PARPBP: variants seen among roughly 807,000 people sequenced by gnomAD.
The protein encoded by PARPBP is PCNA-interacting partner.
A neutral mutation model predicts 50.0 loss-of-function variants in PARPBP; 52 were observed. The observed-to-expected ratio is 1.04, with a 90% CI of 0.83 to 1.31. The LOEUF (loss-of-function observed/expected upper bound fraction) is 1.31. Ranked by LOEUF, PARPBP falls within the 50% of genes most tolerant of loss-of-function variation. The probability of loss-of-function intolerance (pLI) is 0.00; values close to 1 mark genes in which losing one functional copy is unlikely to be tolerated. For synonymous variants in PARPBP, 244 were observed against 232.1 expected (o/e 1.05, Z -0.47); for missense variants, 697 against 672.0 (o/e 1.04, Z -0.41).
At position 102,165,737 on chromosome 12, in the gene PARPBP, G is replaced by C; in HGVS notation, c.675G>C (p.Thr225=). 1 of 1,603,198 alleles carries C rather than the reference G, an allele frequency of 6.2e-7. No individual in the cohort carries two copies. The highest frequency in any genetic ancestry group is 8.5e-7 in the Non-Finnish European group (1 of 1,175,772). ...TTTGTTTTAATTCATAGGTGGCCAC[G>C]TCTTTTATTAGAACAATAGAGCTTG... The part of the protein sequence containing the change: ...EKQMSIFLVA[T]SFIRTIELGG... Residue 225 remains threonine, a synonymous_variant, in exon 6 of 11, where the codon ACG becomes ACC. Transcript: ENST00000327680.
intron 2 of PARPBP, among the ~76,000 whole-genome samples, chr12:102,142,384 G>A (rs981597695): frequency 3.9e-5 from 6 of 152,148 alleles, no homozygotes; most frequent in South Asian, 2.1e-4. Flanking sequence ...TTAGCTAATC[G>A]TCTAATCTTT....
At chr12:102,169,723 G>A (rs900116515) in intron 6 of PARPBP, among the ~76,000 whole-genome samples, 1 of 152,090 alleles carries the variant, frequency 6.6e-6, no homozygotes, top group Admixed American at 6.5e-5. Flanking sequence ...TGCTGCCAGA[G>A]TGATTTTTCT....
rs1203198265 is a variant in PARPBP at position 102,160,199 on chromosome 12, A to G, written c.496-4239A>G. 5.3e-5 allele frequency among the ~76,000 whole-genome samples: 8 copies of G among 152,314 alleles called. No individual in the cohort carries two copies. In the South Asian group the frequency reaches 1.7e-3, roughly 32 times the overall value. ...CCATAATAAGAGGGATAGATTTCCAATTGCAGCCATGAGCTAAAAGAAACA... is the reference window on the plus strand; with the variant it reads ...CCATAATAAGAGGGATAGATTTCCAGTTGCAGCCATGAGCTAAAAGAAACA... On this transcript the variant is annotated intron_variant, in intron 4 of 10. Coordinates refer to ENST00000327680, the MANE Select transcript of PARPBP (RefSeq NM_017915.5).
chr12:102,194,494 A>G (rs1891080137), intron 9 of PARPBP, among the ~76,000 whole-genome samples: 1 of 151,952 alleles, frequency 6.6e-6, no homozygotes, highest in South Asian at 2.1e-4. Context: ...TTCTAAAATT[A>G]ATTTCTATCC....
At chr12:102,130,260 A>G (rs1342283856) in intron 2 of PARPBP, among the ~76,000 whole-genome samples, 3 of 152,196 alleles carry the variant, frequency 2.0e-5, no homozygotes, top group Non-Finnish European at 4.4e-5. Flanking sequence ...AGGGACTTAC[A>G]TATAAAACCC....
intron 4 of PARPBP, among the ~76,000 whole-genome samples, chr12:102,159,007 C>G (rs2139336932): frequency 6.6e-6 from 1 of 152,314 alleles, no homozygotes; most frequent in South Asian, 2.1e-4. Context: ...ATTTTACCTA[C>G]TAGTTCAACT....
At chr12:102,152,964 A>C (rs949616947) in intron 3 of PARPBP, among the ~76,000 whole-genome samples, 2 of 151,890 alleles carry the variant, frequency 1.3e-5, no homozygotes, top group Non-Finnish European at 2.9e-5. Context: ...AAGAGGAGTT[A>C]AACAGAAACA....
chr12:102,180,072 A>C (rs1889679400), intron 8 of PARPBP, among the ~76,000 whole-genome samples: 1 of 152,090 alleles, frequency 6.6e-6, no homozygotes. Flanking sequence ...TTAAAATCTC[A>C]TCTTCTTTAC....
chr12:102,175,449 A>G, intron 6 of PARPBP, 34 bp from the exon 7 acceptor site: 1 of 1,444,638 alleles, frequency 6.9e-7, no homozygotes, highest in Non-Finnish European at 9.6e-7. Flanking sequence ...AATTTGCAAT[A>G]CTGCTATAGA....
In PARPBP at chr12:102,196,015, C is replaced by G. The variant is rs1891281222; in HGVS notation, c.1464C>G (p.Asp488Glu). 1 of 1,610,536 alleles carries G rather than the reference C, an allele frequency of 6.2e-7. No individual in the cohort carries two copies. Among genetic ancestry groups the G allele is most frequent in the Non-Finnish European group, 8.5e-7 (1 of 1,178,210 alleles). Residue 488 changes from aspartate to glutamate, a missense_variant, in exon 11 of 11, where the codon GAC (aspartate) becomes GAG (glutamate). By Grantham distance (45) the Asp-to-Glu change is conservative. Coordinates refer to ENST00000327680, the MANE Select transcript of PARPBP (RefSeq NM_017915.5). ...CGAGTTTTGGAAATGTTCATCTGGA[C>G]AGAAGTAAAAATGAAAAAGTATCAA... is the stretch of plus-strand genomic sequence containing the variant. ...IGTSFGNVHL[D>E]RSKNEKVSRK...
intron 3 of PARPBP, among the ~76,000 whole-genome samples, chr12:102,151,390 ACTT>A (rs1297936903): frequency 6.6e-6 from 1 of 152,156 alleles, no homozygotes; most frequent in Non-Finnish European, 1.5e-5. Context: ...TTTGGCTTTA[ACTT>A]CTTTGTGATG....
chr12:102,174,918 A>G (rs923770591), intron 6 of PARPBP, among the ~76,000 whole-genome samples: 8 of 152,188 alleles, frequency 5.3e-5, no homozygotes, highest in African/African-American at 1.9e-4. Context: ...TCCATGTAAT[A>G]AAACCTTTCA....
intron 6 of PARPBP, among the ~76,000 whole-genome samples, chr12:102,172,649 A>G (rs1311610164): frequency 6.6e-6 from 1 of 152,232 alleles, no homozygotes; most frequent in East Asian, 1.9e-4. Context: ...TTTTTCCTAA[A>G]TACAATTCAG....
At chr12:102,163,326 G>A (rs1887796675) in intron 4 of PARPBP, among the ~76,000 whole-genome samples, 1 of 152,148 alleles carries the variant, frequency 6.6e-6, no homozygotes, top group South Asian at 2.1e-4. Context: ...ACTTCTGGAT[G>A]ATTTGTTAAC....
intron 2 of PARPBP, among the ~76,000 whole-genome samples, chr12:102,126,930 A>G (rs1397778538): frequency 6.6e-6 from 1 of 152,230 alleles, no homozygotes; most frequent in African/African-American, 2.4e-5. Flanking sequence ...TGTTCCTTTA[A>G]TATGACTGCC....
At chr12:102,193,007 G>A (rs1303669010) in intron 9 of PARPBP, among the ~76,000 whole-genome samples, 1 of 151,412 alleles carries the variant, frequency 6.6e-6, no homozygotes, top group East Asian at 1.9e-4. Context: ...TCATGGTAGA[G>A]AAAGTCATTA....
chr12:102,138,345 T>A (rs1883998941), intron 2 of PARPBP, among the ~76,000 whole-genome samples: 1 of 152,228 alleles, frequency 6.6e-6, no homozygotes, highest in Non-Finnish European at 1.5e-5. Context: ...CACTTTTTGA[T>A]GGGGTTGTTT....
chr12:102,191,215 T>G (rs1890761882), intron 9 of PARPBP, among the ~76,000 whole-genome samples: 1 of 152,154 alleles, frequency 6.6e-6, no homozygotes, highest in Non-Finnish European at 1.5e-5. Context: ...CTTCAATGTT[T>G]ATGCTATCTT....
intron 2 of PARPBP, among the ~76,000 whole-genome samples, chr12:102,135,892 T>G (rs553894284): frequency 1.6e-4 from 25 of 152,334 alleles, no homozygotes; most frequent in Admixed American, 9.1e-4. Context: ...GTTTTAGCTT[T>G]TCTCCATTTT....
Sources: allele counts gnomAD v4.1 joint callset (sites outside exome capture counted in the v4.1 genomes callset), GRCh38; gene constraint gnomAD v4.1.1; transcripts MANE v1.5; gene names NCBI Gene and HGNC (gene_info 2026-07-23, HGNC 2026-07-21).